Variants in CEP85L observed in about 807,000 individuals in gnomAD.
CEP85L encodes centrosomal protein of 85 kDa-like.
In CEP85L, 60 loss-of-function variants were observed where a neutral mutation model predicts 100.3. That is an observed-to-expected ratio of 0.60 (90% confidence interval 0.49 to 0.74). CEP85L has a LOEUF of 0.74. CEP85L is among the 30% of genes least tolerant of loss of function. CEP85L has a pLI of 0.00. For synonymous variants in CEP85L, 319 were observed against 322.7 expected, an observed-to-expected ratio of 0.99 and a Z score of 0.12; for missense variants, 973 against 936.2, an observed-to-expected ratio of 1.04 and a Z score of -0.51.
intron 2 of CEP85L, among the ~76,000 whole-genome samples, 179 bp from the exon 3 acceptor site, chr6:118,566,495 G>A (rs528485997): frequency 5.9e-5 from 9 of 152,112 alleles, no homozygotes; most frequent in African/African-American, 9.6e-5. Flanking sequence ...TCGGCTCACC[G>A]CAATCTCTGC....
chr6:118,652,286 C>G (rs1387781728), upstream of CEP85L: 12 of 546,946 alleles, frequency 2.2e-5, no homozygotes, highest in African/African-American at 2.5e-4. Context: ...GCCCCCTACT[C>G]CTTCACGTTC....
At chr6:118,518,263 T>C (rs1216902570) in intron 4 of CEP85L, among the ~76,000 whole-genome samples, 2 of 152,192 alleles carry the variant, frequency 1.3e-5, no homozygotes, top group Non-Finnish European at 2.9e-5. Context: ...TTAGGGAGGA[T>C]TCCCTCTTTT....
chr6:118,545,437 A>C (rs1778139690), intron 3 of CEP85L, among the ~76,000 whole-genome samples: 1 of 152,120 alleles, frequency 6.6e-6, no homozygotes. Context: ...AAAATACAAA[A>C]GTTAGCTGGG....
At position 118,651,300 on chromosome 6, in the gene CEP85L, C is replaced by A; in HGVS notation, c.-31G>T. On this transcript the variant is annotated 5_prime_UTR_variant, in exon 1 of 13. Transcript: ENST00000368491. ...GCGAGAGGGCCGGGTGGGCCAGGGA[C>A]GCCCGACTCCTCACGTCCGTCCTCC... is the stretch of plus-strand genomic sequence containing the variant. 6.9e-7 allele frequency: 1 copy of A among 1,459,680 alleles called. No homozygotes were observed. The highest frequency in any genetic ancestry group is 1.3e-5 in the South Asian group (1 of 75,826). The allele number at this position is 1,459,680 out of a possible 1,614,324, so 90.4% of individuals were successfully genotyped here.
At chr6:118,680,967 C>T (rs890935357) in intron 1 of CEP85L, among the ~76,000 whole-genome samples, 2 of 152,042 alleles carry the variant, frequency 1.3e-5, no homozygotes, top group Non-Finnish European at 2.9e-5. Context: ...TTTACTGCTG[C>T]GCTACTATTG....
chr6:118,632,489 T>C lies in CEP85L; in HGVS notation c.196A>G (p.Thr66Ala). The change falls in exon 2 of 13, where the codon ACT becomes GCT. Residue 66 changes from threonine (T) to alanine (A), a missense_variant. By Grantham distance (58) the Thr-to-Ala change is moderately conservative. Around this residue, in one of 3 missense-constraint regions of CEP85L, gnomAD observed 4 missense variants for 18.3 expected, o/e 0.22. Coordinates refer to ENST00000368491, the MANE Select transcript of CEP85L (RefSeq NM_001042475.3). ...RHSIASDSGD[T>A]GIGTSCSDSV... ...TCAGAACAGGAAGTTCCAATGCCAGTGTCTCCACTGTCAGAAGCTATACTG... is the reference window on the plus strand; with the variant it reads ...TCAGAACAGGAAGTTCCAATGCCAGCGTCTCCACTGTCAGAAGCTATACTG... 6.2e-7 allele frequency: 1 copy of C among 1,609,886 alleles called. No homozygotes were observed. The highest frequency in any genetic ancestry group is 8.5e-7 in the Non-Finnish European group (1 of 1,178,186).
At chr6:118,574,871 T>G (rs1244580466) in intron 2 of CEP85L, among the ~76,000 whole-genome samples, 1 of 152,012 alleles carries the variant, frequency 6.6e-6, no homozygotes, top group African/African-American at 2.4e-5. Context: ...TGCCTTAGGG[T>G]AGCTTTCCTG....
chr6:118,709,672 A>T (rs1485530487), intron 1 of CEP85L, among the ~76,000 whole-genome samples: 1 of 151,804 alleles, frequency 6.6e-6, no homozygotes, highest in Non-Finnish European at 1.5e-5. Context: ...CTGCATTCTC[A>T]GGAGTACGCA....
chr6:118,531,671 A>ATT (rs1256562913), intron 3 of CEP85L, among the ~76,000 whole-genome samples: 2 of 152,184 alleles, frequency 1.3e-5, no homozygotes, highest in Non-Finnish European at 2.9e-5. Flanking sequence ...TACAAGCAAA[A>ATT]AACAACCCCA....
chr6:118,543,631 A>G (rs1365591389), intron 3 of CEP85L, among the ~76,000 whole-genome samples: 1 of 152,022 alleles, frequency 6.6e-6, no homozygotes, highest in African/African-American at 2.4e-5. Flanking sequence ...CTTCTGAATA[A>G]TGAAGGAGTT....
intron 1 of CEP85L, among the ~76,000 whole-genome samples, chr6:118,707,662 A>T (rs912525183): frequency 1.3e-4 from 20 of 152,228 alleles, no homozygotes; most frequent in African/African-American, 4.6e-4. Flanking sequence ...TCTGTAGGAT[A>T]CATAGAAATT....
Position 118,511,382 on chromosome 6 carries a change from C to T in CEP85L, c.1173G>A (p.Arg391=). 6.2e-7 allele frequency: 1 copy of T among 1,612,832 alleles called. No homozygotes were observed. The highest frequency in any genetic ancestry group is 2.2e-5 in the East Asian group (1 of 44,818). Residue 391 remains arginine, a synonymous_variant, in exon 5 of 13, where the codon AGG becomes AGA. Transcript: ENST00000368491. The part of the protein sequence containing the change: ...QKQQITHLHE[R]IRDNELRAQH... ...GAGCCCGTAATTCATTATCCCTTATCCTCTCATGCAGGTGGGTAATTTGTT... is the reference window on the plus strand; with the variant it reads ...GAGCCCGTAATTCATTATCCCTTATTCTCTCATGCAGGTGGGTAATTTGTT...
At chr6:118,527,694 C>T (rs1777057973) in intron 3 of CEP85L, among the ~76,000 whole-genome samples, 1 of 151,980 alleles carries the variant, frequency 6.6e-6, no homozygotes, top group South Asian at 2.1e-4. Flanking sequence ...TCACTAATTC[C>T]AAAACTCAAA....
chr6:118,608,319 C>A (rs1191027361), intron 2 of CEP85L, among the ~76,000 whole-genome samples: 2 of 152,192 alleles, frequency 1.3e-5, no homozygotes, highest in Admixed American at 6.5e-5. Flanking sequence ...CACGGTGAAA[C>A]CCCATCTCTA....
intron 6 of CEP85L, among the ~76,000 whole-genome samples, chr6:118,491,194 TATACACACACACACACACAC>T (rs1350048147): frequency 1.8e-4 from 15 of 81,214 alleles, no homozygotes; most frequent in Admixed American, 9.2e-4. Flanking sequence ...TACCAACATC[TATACACACACACACACACAC>T]ACACACACAC....
chr6:118,582,504 G>A (rs536040996), intron 2 of CEP85L, among the ~76,000 whole-genome samples: 3 of 152,316 alleles, frequency 2.0e-5, no homozygotes, highest in Admixed American at 6.5e-5. Context: ...GACAAGGAAG[G>A]TAAGGAAGAA....
At chr6:118,675,706 G>A (rs2638548) in intron 1 of CEP85L, among the ~76,000 whole-genome samples, 53 of 151,764 alleles carry the variant, frequency 3.5e-4, no homozygotes, top group African/African-American at 1.2e-3. Context: ...ATTCAAAATC[G>A]GCCTGGACAA....
intron 4 of CEP85L, among the ~76,000 whole-genome samples, chr6:118,523,004 C>T (rs1004935411): frequency 2.6e-5 from 4 of 152,082 alleles, no homozygotes; most frequent in African/African-American, 9.7e-5. Flanking sequence ...GAAATTTCAA[C>T]TATTAAATGC....
At chr6:118,588,320 T>A (rs994621893) in intron 2 of CEP85L, among the ~76,000 whole-genome samples, 1 of 152,136 alleles carries the variant, frequency 6.6e-6, no homozygotes, top group Admixed American at 6.5e-5. Context: ...ATACTTAATA[T>A]CTCTATTATA....
Sources: allele counts gnomAD v4.1 joint callset (sites outside exome capture counted in the v4.1 genomes callset), GRCh38; gene constraint gnomAD v4.1.1; regional missense constraint gnomAD v4.1.1; transcripts MANE v1.5; gene names NCBI Gene and HGNC (gene_info 2026-07-23, HGNC 2026-07-21).